Variants in POTEE observed in about 807,000 individuals in gnomAD.
POTEE encodes the protein ANKRD26-like family C member 1A.
POTEE carries 21 observed loss-of-function variants against 74.2 expected under a neutral mutation model. The observed-to-expected ratio is 0.28, with a 90% CI of 0.20 to 0.41. The LOEUF (loss-of-function observed/expected upper bound fraction) is 0.41, where lower values mean the gene tolerates loss of function less well. Among genes scored for constraint, POTEE ranks in the 10% least tolerant of loss-of-function variants. POTEE has a pLI of 1.00. For synonymous variants in POTEE, 211 were observed against 432.8 expected (o/e 0.49, Z 6.36); for missense variants, 525 against 1,158.6 (o/e 0.45, Z 7.94).
Position 131,264,895 on chromosome 2 carries a change from G to T in POTEE, c.*212G>T. ...TCCAAAGTTCTACAATGTTGCCAAG[G>T]ACTTTGATTGTACATTGTTCTTCTT... On this transcript the variant is annotated 3_prime_UTR_variant, in exon 18 of 18. Transcript: ENST00000683005. The T allele has an allele frequency of 2.1e-6, 2 of 942,432 alleles. No individual in the cohort carries two copies. Among genetic ancestry groups the T allele is most frequent in the Admixed American group, 2.8e-5 (1 of 35,394 alleles). 58.4% of individuals were successfully genotyped at this position (942,432 alleles called of 1,614,324 possible).
At chr2:131,236,247 T>G (rs1559188034) in intron 9 of POTEE, among the ~76,000 whole-genome samples, 1 of 152,132 alleles carries the variant, frequency 6.6e-6, no homozygotes, top group African/African-American at 2.4e-5. Flanking sequence ...GATTTTGTTT[T>G]CTTAACCTTG....
In POTEE at chr2:131,229,574, C is replaced by T. The variant is rs374497048; in HGVS notation, c.1055+1193C>T. ...TCACAGAGCCAAGCCTTGTCCATGACGCATCACTAATCATGTGTAAAAGTA... is the reference window on the plus strand; with the variant it reads ...TCACAGAGCCAAGCCTTGTCCATGATGCATCACTAATCATGTGTAAAAGTA... On this transcript the variant is annotated intron_variant, in intron 8 of 17. Coordinates refer to ENST00000683005, the MANE Select transcript of POTEE (RefSeq NM_001083538.3). 137 of 152,308 alleles carry T rather than the reference C, an allele frequency of 9.0e-4. 1 individual carries two copies. In the East Asian group the frequency reaches 0.015, roughly 17 times the overall value. The allele number at this position is 152,308 out of a possible 1,614,324, so 9.4% of individuals were successfully genotyped here. A position where few individuals can be genotyped will look rare whatever the true frequency, so the allele number is the denominator to read the frequency against.
rs1269588078 is a variant in POTEE at position 131,209,782 on chromosome 2, T to C, written c.-382T>C. Among the ~76,000 whole-genome samples, 2 of 152,200 alleles carry C rather than the reference T, an allele frequency of 1.3e-5. No homozygotes were observed. Among genetic ancestry groups the C allele is most frequent in the Admixed American group, 1.3e-4 (2 of 15,286 alleles). ...TGTGTTTGGTGGTGACGTGGGACAC[T>C]GCAGCTCGGCCAGAGTGGTAGAAAT... is the stretch of plus-strand genomic sequence containing the variant. On this transcript the variant is annotated 5_prime_UTR_variant, in exon 1 of 18. Coordinates refer to ENST00000683005, the MANE Select transcript of POTEE (RefSeq NM_001083538.3).
chr2:131,226,059 A>T (rs1045526618), intron 6 of POTEE, among the ~76,000 whole-genome samples: 19 of 152,152 alleles, frequency 1.2e-4, no homozygotes, highest in Non-Finnish European at 2.2e-4. Flanking sequence ...TTAAGAGCAG[A>T]GTTTTCTCAA....
intron 2 of POTEE, among the ~76,000 whole-genome samples, chr2:131,216,619 G>A (rs188344522): frequency 4.0e-5 from 6 of 150,060 alleles, no homozygotes; most frequent in East Asian, 3.9e-4. Flanking sequence ...TACACATAAA[G>A]GTATTTATAG....
chr2:131,216,905 C>T (rs1160808414), intron 2 of POTEE, among the ~76,000 whole-genome samples: 1 of 151,726 alleles, frequency 6.6e-6, no homozygotes, highest in Non-Finnish European at 1.5e-5. Flanking sequence ...TTGCCTAGGG[C>T]TGGGAGAGGT....
chr2:131,235,238 T>G (rs1701090801), intron 9 of POTEE, among the ~76,000 whole-genome samples: 2 of 151,210 alleles, frequency 1.3e-5, no homozygotes, highest in South Asian at 4.2e-4. Context: ...TAATTGTTTT[T>G]AAACCCTAAT....
intron 10 of POTEE, among the ~76,000 whole-genome samples, chr2:131,237,806 A>T (rs1159092665): frequency 6.6e-6 from 1 of 152,294 alleles, no homozygotes; most frequent in Admixed American, 6.5e-5. Context: ...TTTTCAAGTG[A>T]GGAAGGTTTT....
rs200628018 is a variant in POTEE, at chr2:131,228,351, G to A, written c.1025G>A (p.Arg342Lys). ...SSQDLSGQTA[R>K]EYAVSSHHHV... Reference sequence around the variant, plus strand: ...CAAGATCTATCTGGACAGACGGCCAGAGAGTATGCTGTTTCTAGTCATCAT... The same window carrying A: ...CAAGATCTATCTGGACAGACGGCCAAAGAGTATGCTGTTTCTAGTCATCAT... Residue 342 changes from arginine (R) to lysine (K), a missense_variant, in exon 8 of 18, where the codon AGA (arginine) becomes AAA (lysine). Physicochemically the swap from Arg to Lys is conservative, Grantham distance 26. Coordinates refer to ENST00000683005, the MANE Select transcript of POTEE (RefSeq NM_001083538.3). 1,534 of 1,610,706 alleles carry A rather than the reference G, an allele frequency of 9.5e-4. No homozygotes were observed. The highest frequency in any genetic ancestry group is 1.2e-3 in the Non-Finnish European group (1,362 of 1,179,358).
In POTEE at chr2:131,226,893, A is replaced by G; in HGVS notation, c.881A>G (p.Lys294Arg). ...CAAGTCGTGAAATTTTTAATCAAGA[A>G]AAAAGCGAATTTAAATGCACTGGAT... ...KQQVVKFLIK[K>R]KANLNALDRY... The change falls in exon 7 of 18, where the codon AAA becomes AGA. Residue 294 changes from lysine (K) to arginine (R), a missense_variant. Physicochemically the swap from Lys to Arg is conservative, Grantham distance 26. Coordinates refer to ENST00000683005, the MANE Select transcript of POTEE (RefSeq NM_001083538.3). 1 of 1,611,788 alleles carries G rather than the reference A, an allele frequency of 6.2e-7. No individual in the cohort carries two copies. The highest frequency in any genetic ancestry group is 8.5e-7 in the Non-Finnish European group (1 of 1,179,664).
rs749822728 is a variant in POTEE, at chr2:131,264,101, G to A, written c.2646G>A (p.Gly882=). 2 of 1,614,142 alleles carry A rather than the reference G, an allele frequency of 1.2e-6. No homozygotes were observed. The highest frequency in any genetic ancestry group is 2.7e-5 in the African/African-American group (2 of 74,946). ...PHATLRLDLA[G]RELPDYLMKI... Reference sequence around the variant, plus strand: ...CCACCCTGCGCCTAGACCTGGCTGGGCGGGAACTGCCTGACTACCTCATGA... The same window carrying A: ...CCACCCTGCGCCTAGACCTGGCTGGACGGGAACTGCCTGACTACCTCATGA... The change falls in exon 18 of 18, where the codon GGG becomes GGA. Residue 882 remains glycine, a synonymous_variant. Coordinates refer to ENST00000683005, the MANE Select transcript of POTEE (RefSeq NM_001083538.3).
chr2:131,234,250 G>A (rs1701057655), intron 9 of POTEE, among the ~76,000 whole-genome samples: 2 of 151,812 alleles, frequency 1.3e-5, no homozygotes, highest in East Asian at 1.9e-4. Context: ...AGAAAAGAGC[G>A]AGCAAGGAGC....
intron 9 of POTEE, among the ~76,000 whole-genome samples, chr2:131,235,647 C>T (rs1486748061): frequency 4.7e-4 from 72 of 151,796 alleles, no homozygotes; most frequent in African/African-American, 1.5e-3. Flanking sequence ...TGAAAATTAG[C>T]TGGGCATGAT....
chr2:131,233,874 G>A (rs1280733659), intron 9 of POTEE, among the ~76,000 whole-genome samples: 29 of 149,994 alleles, frequency 1.9e-4, no homozygotes, highest in African/African-American at 7.3e-4. Flanking sequence ...TAACCTGGAT[G>A]TGAGGACGAA....
At chr2:131,220,616 A>G (rs1700588542) in intron 4 of POTEE, among the ~76,000 whole-genome samples, 1 of 152,040 alleles carries the variant, frequency 6.6e-6, no homozygotes, top group African/African-American at 2.4e-5. Context: ...CTGGTAGAAG[A>G]AGGAATGTAA....
intron 2 of POTEE, among the ~76,000 whole-genome samples, chr2:131,214,139 C>T (rs983624993): frequency 1.3e-5 from 2 of 152,094 alleles, no homozygotes; most frequent in African/African-American, 2.4e-5. Flanking sequence ...TTCCACAAAC[C>T]CCATTTTAGG....
At chr2:131,211,851 C>T (rs1001443428) in intron 2 of POTEE, among the ~76,000 whole-genome samples, 30 of 148,564 alleles carry the variant, frequency 2.0e-4, no homozygotes, top group African/African-American at 6.0e-4. Context: ...CCACCACTCC[C>T]GGTCATTTTT....
chr2:131,217,874 T>TGCACGCGCACGCC (rs1269081686), intron 3 of POTEE, among the ~76,000 whole-genome samples, 191 bp downstream of exon 3: 3 of 149,854 alleles, frequency 2.0e-5, no homozygotes, highest in Non-Finnish European at 3.0e-5. Flanking sequence ...TGTAACGGCT[T>TGCACGCGCACGCC]GCACGCGCAC....
At chr2:131,218,093 G>C in intron 3 of POTEE, 1 of 505,818 alleles carries the variant, frequency 2.0e-6, no homozygotes, top group African/African-American at 1.9e-5. Flanking sequence ...TTCTCTGCTG[G>C]GTTTGGCATT....
Sources: gnomAD v4.1 joint callset for allele counts (sites outside exome capture counted in the v4.1 genomes callset) on GRCh38, gnomAD v4.1.1 for gene constraint, MANE v1.5 for transcripts, NCBI Gene and HGNC (gene_info 2026-07-23, HGNC 2026-07-21) for gene names.